NAV3: variants seen among roughly 807,000 people sequenced by gnomAD.
NAV3 encodes the protein pore membrane and/or filament interacting like protein 1.
Under a neutral mutation model 244.7 loss-of-function variants are expected in NAV3, and 87 were observed. The ratio of observed to expected loss-of-function variants is 0.36; its 90% CI spans 0.30 to 0.42. The LOEUF (loss-of-function observed/expected upper bound fraction) is 0.42, where lower values mean the gene tolerates loss of function less well. Among genes scored for constraint, NAV3 ranks in the 20% least tolerant of loss-of-function variants. NAV3 has a pLI of 1.00. For synonymous variants in NAV3, 1,126 were observed against 1,042.2 expected, an observed-to-expected ratio of 1.08 and a Z score of -1.55; for missense variants, 2,663 against 2,893.3, an observed-to-expected ratio of 0.92 and a Z score of 1.83.
intron 2 of NAV3, among the ~76,000 whole-genome samples, chr12:77,825,246 T>C (rs538082572): frequency 9.2e-5 from 14 of 152,094 alleles, no homozygotes; most frequent in Admixed American, 7.9e-4. Context: ...AGGAAAATGA[T>C]ACCAGATAAA....
intron 2 of NAV3, among the ~76,000 whole-genome samples, chr12:77,744,518 G>C (rs1162484467): frequency 1.3e-5 from 2 of 151,824 alleles, no homozygotes; most frequent in Non-Finnish European, 2.9e-5. Context: ...TCTACCCGAT[G>C]GAAAATTGTT....
chr12:77,703,869 C>T (rs987267524), intron 2 of NAV3, among the ~76,000 whole-genome samples: 3 of 152,176 alleles, frequency 2.0e-5, no homozygotes, highest in Non-Finnish European at 4.4e-5. Flanking sequence ...AGTTAAAATG[C>T]TGCAGAAGTG....
In NAV3 at chr12:77,899,084, T is replaced by G. The variant is rs539581430; in HGVS notation, c.244-41235T>G. On this transcript the variant is annotated intron_variant, in intron 1 of 39. Coordinates refer to ENST00000397909, the MANE Select transcript of NAV3 (RefSeq NM_001024383.2). Reference sequence around the variant, plus strand: ...CCTGCTGCAACCTCATGATAACACTTGAACAGATGAGGAGTTGCTTCTTAT... The same window carrying G: ...CCTGCTGCAACCTCATGATAACACTGGAACAGATGAGGAGTTGCTTCTTAT... 3.3e-5 allele frequency among the ~76,000 whole-genome samples: 5 copies of G among 152,302 alleles called. No individual in the cohort carries two copies. In the East Asian group the frequency reaches 9.6e-4, roughly 29 times the overall value.
chr12:77,787,663 C>T (rs942541414), intron 2 of NAV3, among the ~76,000 whole-genome samples: 2 of 152,138 alleles, frequency 1.3e-5, no homozygotes, highest in African/African-American at 4.8e-5. Flanking sequence ...TCAGTTATCT[C>T]CACCTGATCC....
rs568700156 is a variant in NAV3, at chr12:78,046,197, A to AT, written c.2024-3790dup. Among the ~76,000 whole-genome samples, 549 of 152,128 alleles carry AT rather than the reference A, an allele frequency of 3.6e-3. 2 individuals are homozygous for AT. The highest frequency in any genetic ancestry group is 0.013 in the African/African-American group (521 of 41,492). On this transcript the variant is annotated intron_variant, in intron 9 of 39. Coordinates refer to ENST00000397909, the MANE Select transcript of NAV3 (RefSeq NM_001024383.2). ...TCAAAAACCAGCTATGGATTTATTG[A>AT]TTTTTTGAAGGGTTTTTGTGTCTCT...
intron 1 of NAV3, among the ~76,000 whole-genome samples, chr12:77,928,308 A>G (rs1565929076): frequency 6.6e-6 from 1 of 152,054 alleles, no homozygotes; most frequent in Non-Finnish European, 1.5e-5. Context: ...GAACAGCAAG[A>G]AAGATTAGAG....
chr12:77,969,106 C>A (rs868576783), intron 5 of NAV3, among the ~76,000 whole-genome samples: 1 of 151,702 alleles, frequency 6.6e-6, no homozygotes, highest in East Asian at 1.9e-4. Context: ...GTCTGTTAAA[C>A]ATAGGAGTTT....
intron 5 of NAV3, among the ~76,000 whole-genome samples, chr12:77,981,087 C>T (rs138308120): frequency 3.1e-4 from 47 of 152,208 alleles, no homozygotes; most frequent in African/African-American, 9.6e-4. Flanking sequence ...TTCAGCCACC[C>T]GGTTACTAAA....
At chr12:77,672,703 G>A (rs1007420916) in intron 2 of NAV3, among the ~76,000 whole-genome samples, 3 of 151,826 alleles carry the variant, frequency 2.0e-5, no homozygotes, top group African/African-American at 7.3e-5. Context: ...GTGGGGTGAG[G>A]GATAAATGAC....
chr12:78,050,427 G>T (rs566585502), intron 10 of NAV3, among the ~76,000 whole-genome samples: 1 of 152,276 alleles, frequency 6.6e-6, no homozygotes, highest in South Asian at 2.1e-4. Flanking sequence ...ATGCATCTGG[G>T]CAGGGTAGTA....
chr12:78,044,275 G>A (rs147856274), intron 9 of NAV3, among the ~76,000 whole-genome samples: 1 of 152,174 alleles, frequency 6.6e-6, no homozygotes, highest in African/African-American at 2.4e-5. Context: ...GCTCTGTTCT[G>A]TTTCATTGGT....
At chr12:77,668,743 C>T (rs867149163) in intron 2 of NAV3, among the ~76,000 whole-genome samples, 5 of 152,100 alleles carry the variant, frequency 3.3e-5, no homozygotes, top group Admixed American at 2.0e-4. Flanking sequence ...TGGAGGAAAA[C>T]GTCGTCCTTG....
intron 22 of NAV3, among the ~76,000 whole-genome samples, chr12:78,151,001 G>T (rs564039154): frequency 1.3e-5 from 2 of 151,788 alleles, no homozygotes; most frequent in Non-Finnish European, 2.9e-5. Context: ...AAAATATCAC[G>T]AAGAAGAGCA....
At position 78,168,831 on chromosome 12, in the gene NAV3, A is replaced by T; in HGVS notation, c.4946A>T (p.Gln1649Leu). The T allele has an allele frequency of 6.2e-7, 1 of 1,610,720 alleles. No individual in the cohort carries two copies. The highest frequency in any genetic ancestry group is 8.5e-7 in the Non-Finnish European group (1 of 1,177,774). Reference protein sequence around the residue: ...AQNSAAQAAIQGALNGPDHPP... With the variant: ...AQNSAAQAAILGALNGPDHPP... ...AATTCTGCTGCCCAGGCGGCTATTCAGGGAGCACTGAATGGTCCAGACCAT... is the reference window on the plus strand; with the variant it reads ...AATTCTGCTGCCCAGGCGGCTATTCTGGGAGCACTGAATGGTCCAGACCAT... The change falls in exon 24 of 40, where the codon CAG becomes CTG. Residue 1649 changes from glutamine to leucine, a missense_variant. By Grantham distance (113) the Gln-to-Leu change is moderately radical. Coordinates refer to ENST00000397909, the MANE Select transcript of NAV3 (RefSeq NM_001024383.2).
intron 2 of NAV3, among the ~76,000 whole-genome samples, chr12:77,611,568 C>A (rs930269596): frequency 2.0e-5 from 3 of 151,738 alleles, no homozygotes; most frequent in African/African-American, 4.8e-5. Flanking sequence ...TCAGAAATTT[C>A]TTCTCAATCA....
intron 22 of NAV3, among the ~76,000 whole-genome samples, chr12:78,156,064 T>C (rs1957293041): frequency 6.6e-6 from 1 of 152,162 alleles, no homozygotes; most frequent in African/African-American, 2.4e-5. Flanking sequence ...CATAAAATCT[T>C]TGCCCTTACC....
chr12:77,932,359 C>G (rs1888895449), intron 1 of NAV3, among the ~76,000 whole-genome samples: 2 of 152,122 alleles, frequency 1.3e-5, no homozygotes, highest in African/African-American at 4.8e-5. Context: ...GATGCTCATA[C>G]TTTCTGAGCC....
intron 12 of NAV3, among the ~76,000 whole-genome samples, chr12:78,071,064 AC>A (rs1307840948): frequency 3.3e-5 from 5 of 151,862 alleles, no homozygotes; most frequent in African/African-American, 1.2e-4. Context: ...TTGGGTATAT[AC>A]CCAGTAATGG....
chr12:77,947,651 G>A (rs1326067074), intron 3 of NAV3: 1 of 151,760 alleles, frequency 6.6e-6, no homozygotes, highest in African/African-American at 2.4e-5. Flanking sequence ...GAAGACAAAT[G>A]CTTTATTACA....
Sources: allele counts gnomAD v4.1 joint callset (sites outside exome capture counted in the v4.1 genomes callset), GRCh38; gene constraint gnomAD v4.1.1; transcripts MANE v1.5; gene names NCBI Gene and HGNC (gene_info 2026-07-23, HGNC 2026-07-21).